ITFG1: variants seen among roughly 807,000 people sequenced by gnomAD.
ITFG1 encodes the protein integrin alpha FG-GAP repeat containing 1, also known as T-cell immunomodulatory protein.
In ITFG1, 34 loss-of-function variants were observed where a neutral mutation model predicts 81.8. That is an observed-to-expected ratio of 0.42 (90% CI 0.32 to 0.55). The LOEUF is 0.55. ITFG1 is among the 20% of genes least tolerant of loss of function. ITFG1 has a pLI of 0.17. For synonymous variants in ITFG1, 285 were observed against 270.6 expected (o/e 1.05, Z -0.52); for missense variants, 672 against 755.4 (o/e 0.89, Z 1.29).
At chr16:47,248,962 T>C (rs968503424) in intron 12 of ITFG1, among the ~76,000 whole-genome samples, 1 of 152,224 alleles carries the variant, frequency 6.6e-6, no homozygotes, top group African/African-American at 2.4e-5. Context: ...TTTTGTTTGA[T>C]TTTTAAGTGT....
At chr16:47,281,579 T>C (rs1966451767) in intron 10 of ITFG1, among the ~76,000 whole-genome samples, 1 of 152,178 alleles carries the variant, frequency 6.6e-6, no homozygotes, top group Non-Finnish European at 1.5e-5. Flanking sequence ...GTTCCTATGA[T>C]CTATTTCACT....
At chr16:47,201,526 G>A (rs961588248) in intron 14 of ITFG1, among the ~76,000 whole-genome samples, 7 of 151,954 alleles carry the variant, frequency 4.6e-5, no homozygotes, top group African/African-American at 1.7e-4. Context: ...TTTTTATTTT[G>A]CCCTTATTTA....
chr16:47,178,292 C>T (rs975632737), intron 14 of ITFG1, among the ~76,000 whole-genome samples: 3 of 152,170 alleles, frequency 2.0e-5, no homozygotes, highest in African/African-American at 7.2e-5. Flanking sequence ...AATCTAGTTT[C>T]CAATGTGAGT....
intron 8 of ITFG1, among the ~76,000 whole-genome samples, chr16:47,341,762 G>A (rs1235835075): frequency 6.6e-6 from 1 of 152,096 alleles, no homozygotes; most frequent in East Asian, 1.9e-4. Context: ...TGACTTTAGA[G>A]AAATAAAATG....
At chr16:47,260,456 C>A in intron 11 of ITFG1, 89 bp downstream of exon 11, 1 of 1,391,176 alleles carries the variant, frequency 7.2e-7, no homozygotes, top group East Asian at 2.3e-5. Flanking sequence ...TTGTGTTGTC[C>A]ACATTTTCTG....
intron 14 of ITFG1, among the ~76,000 whole-genome samples, chr16:47,171,462 T>C (rs947246887): frequency 6.6e-6 from 1 of 152,246 alleles, no homozygotes; most frequent in Non-Finnish European, 1.5e-5. Context: ...TAATAGATTG[T>C]CAATTTTGTT....
chr16:47,227,190 A>G (rs1006297556), intron 13 of ITFG1, among the ~76,000 whole-genome samples: 1 of 152,202 alleles, frequency 6.6e-6, no homozygotes, highest in Non-Finnish European at 1.5e-5. Flanking sequence ...TTACCTCCAT[A>G]TGAATGTTTA....
chr16:47,222,053 T>A (rs1965698499), intron 13 of ITFG1, among the ~76,000 whole-genome samples: 1 of 152,144 alleles, frequency 6.6e-6, no homozygotes, highest in Non-Finnish European at 1.5e-5. Flanking sequence ...GATTCATTAA[T>A]TTTTTTGAAG....
intron 5 of ITFG1, among the ~76,000 whole-genome samples, chr16:47,435,915 T>A (rs1969160229): frequency 6.6e-6 from 1 of 152,100 alleles, no homozygotes; most frequent in African/African-American, 2.4e-5. Flanking sequence ...ATTATTAAAA[T>A]TTTAAAATAA....
intron 2 of ITFG1, among the ~76,000 whole-genome samples, chr16:47,455,379 A>T (rs1401440015): frequency 6.6e-6 from 1 of 151,932 alleles, no homozygotes; most frequent in Non-Finnish European, 1.5e-5. Flanking sequence ...AAGAGAAAAA[A>T]GTCTGTCTAT....
intron 5 of ITFG1, among the ~76,000 whole-genome samples, chr16:47,441,410 C>T (rs1244658299): frequency 2.6e-5 from 4 of 152,200 alleles, no homozygotes; most frequent in African/African-American, 4.8e-5. Context: ...CCTTGATGAA[C>T]ATTGATGCAC....
rs553964451 is a variant in ITFG1 at position 47,393,703 on chromosome 16, C to T, written c.656-17763G>A. Among the ~76,000 whole-genome samples the T allele has an allele frequency of 5.7e-4, 87 of 151,896 alleles. 2 individuals carry two copies. The South Asian group carries it at 0.013, about 23-fold the overall frequency. On this transcript the variant is annotated intron_variant, in intron 6 of 17. Transcript: ENST00000320640. ...CCATGATCACCCCATTGCACTCCAG[C>T]CTGGGCAACAGAGCAAAACTCTGTC...
intron 8 of ITFG1, among the ~76,000 whole-genome samples, chr16:47,364,260 A>G (rs565826723): frequency 6.6e-6 from 1 of 152,306 alleles, no homozygotes; most frequent in East Asian, 1.9e-4. Context: ...AGCAATAGAT[A>G]TGTTTCTTAA....
chr16:47,242,572 T>C (rs1023492573), intron 12 of ITFG1, among the ~76,000 whole-genome samples: 3 of 152,112 alleles, frequency 2.0e-5, no homozygotes, highest in Non-Finnish European at 4.4e-5. Flanking sequence ...CTTAAATATA[T>C]GAAAAAATGC....
At chr16:47,407,464 G>C (rs537308010) in intron 6 of ITFG1, among the ~76,000 whole-genome samples, 2 of 152,230 alleles carry the variant, frequency 1.3e-5, no homozygotes. Flanking sequence ...TGATTCTCGT[G>C]CCTCAGCTCC....
intron 8 of ITFG1, among the ~76,000 whole-genome samples, chr16:47,364,654 A>G (rs1377637575): frequency 6.6e-6 from 1 of 152,236 alleles, no homozygotes; most frequent in Non-Finnish European, 1.5e-5. Flanking sequence ...AAATTTACTT[A>G]AAATTAACAT....
intron 10 of ITFG1, among the ~76,000 whole-genome samples, chr16:47,276,936 T>C (rs1217069773): frequency 6.6e-6 from 1 of 152,160 alleles, no homozygotes; most frequent in Admixed American, 6.5e-5. Context: ...CAGGAAAATA[T>C]CTTTATGACC....
At chr16:47,181,314 C>T (rs899693306) in intron 14 of ITFG1, among the ~76,000 whole-genome samples, 10 of 150,970 alleles carry the variant, frequency 6.6e-5, no homozygotes, top group Non-Finnish European at 7.4e-5. Context: ...AAGTGAGGAG[C>T]GTCTCCGCCT....
At chr16:47,348,938 G>T (rs902948176) in intron 8 of ITFG1, among the ~76,000 whole-genome samples, 17 of 152,280 alleles carry the variant, frequency 1.1e-4, no homozygotes, top group Middle Eastern at 3.4e-3. Flanking sequence ...TTTTAACCCA[G>T]AATTTCATAT....
Sources: allele counts gnomAD v4.1 joint callset (sites outside exome capture counted in the v4.1 genomes callset), GRCh38; gene constraint gnomAD v4.1.1; transcripts MANE v1.5; gene names NCBI Gene and HGNC (gene_info 2026-07-23, HGNC 2026-07-21).